The following CYP4F22 variants were observed in gnomAD, a reference collection of about 807,000 sequenced individuals.
CYP4F22 encodes the protein ultra-long-chain fatty acid omega-hydroxylase.
A neutral mutation model predicts 60.4 loss-of-function variants in CYP4F22; 37 were observed. The observed-to-expected ratio is 0.61, with a 90% CI of 0.47 to 0.81. The LOEUF is 0.81. Among genes scored for constraint, CYP4F22 ranks in the 30% least tolerant of loss-of-function variants. The pLI, the probability that CYP4F22 is intolerant of heterozygous loss-of-function variation, is 0.00. For missense variants in CYP4F22, 655 were observed against 715.0 expected (o/e 0.92, Z 0.96); for synonymous variants, 258 against 280.5 (o/e 0.92, Z 0.80).
intron 3 of CYP4F22, among the ~76,000 whole-genome samples, chr19:15,528,400 TCAAC>T (rs899701913): frequency 2.0e-5 from 3 of 152,128 alleles, no homozygotes; most frequent in Admixed American, 6.5e-5. Flanking sequence ...GGAGTGACCC[TCAAC>T]CAATGACTGA....
intron 2 of CYP4F22, among the ~76,000 whole-genome samples, chr19:15,524,261 G>A (rs1156893644): frequency 6.6e-5 from 10 of 152,284 alleles, no homozygotes; most frequent in African/African-American, 2.2e-4. Flanking sequence ...AATCCATAGA[G>A]ACAGAAAGCA....
rs977593507 is a variant in CYP4F22, at chr19:15,510,140, C to A, written c.-109+1557C>A. ...AGGACTACAGGCATGCACCACCACT[C>A]CTGTCTACTTTTTGTATTTTTGGTA... is the stretch of plus-strand genomic sequence containing the variant. On this transcript the variant is annotated intron_variant, in intron 1 of 13. Transcript: ENST00000269703. 6.6e-5 allele frequency among the ~76,000 whole-genome samples: 10 copies of A among 151,892 alleles called. 1 individual carries two copies. The highest frequency in any genetic ancestry group is 2.4e-4 in the African/African-American group (10 of 41,382).
chr19:15,515,457 G>T, intron 1 of CYP4F22: 1 of 862,552 alleles, frequency 1.2e-6, no homozygotes, highest in Non-Finnish European at 1.9e-6. Context: ...AGGCACGGTG[G>T]CTCACGCTTG....
chr19:15,510,945 C>CATATATATATATAT (rs1183507990), intron 1 of CYP4F22, among the ~76,000 whole-genome samples: 2 of 111,628 alleles, frequency 1.8e-5, no homozygotes, highest in African/African-American at 3.6e-5. Context: ...ATAGGGATAC[C>CATATATATATATAT]ATATATATAT....
chr19:15,550,657 A>G lies in CYP4F22; in HGVS notation c.1336-17A>G. The G allele has an allele frequency of 6.2e-7, 1 of 1,613,944 alleles. No homozygotes were observed. The highest frequency in any genetic ancestry group is 8.5e-7 in the Non-Finnish European group (1 of 1,179,858). On this transcript the variant is annotated splice_polypyrimidine_tract_variant and intron_variant, in intron 12 of 13. Transcript: ENST00000269703. ...TGGGGCAGCCCCCAGACTCATCTCC[A>G]GGCTGTTCCTCCCTAGGTGTACAAC...
At chr19:15,527,190 G>T (rs987458594) in intron 3 of CYP4F22, among the ~76,000 whole-genome samples, 4 of 151,878 alleles carry the variant, frequency 2.6e-5, no homozygotes, top group African/African-American at 9.7e-5. Flanking sequence ...TCATCCCTTC[G>T]GTCCGTCTCC....
chr19:15,521,177 G>A (rs1971220689), intron 1 of CYP4F22, among the ~76,000 whole-genome samples: 1 of 151,802 alleles, frequency 6.6e-6, no homozygotes, highest in African/African-American at 2.4e-5. Context: ...TATGTGGATG[G>A]ACCCTATTTT....
chr19:15,548,825 C>T (rs571204404), intron 11 of CYP4F22, among the ~76,000 whole-genome samples: 5 of 152,154 alleles, frequency 3.3e-5, no homozygotes, highest in South Asian at 2.1e-4. Context: ...CAGGTGATGG[C>T]GCTTGAACTC....
chr19:15,525,852 C>A (rs1219128636), intron 3 of CYP4F22, among the ~76,000 whole-genome samples: 1 of 151,842 alleles, frequency 6.6e-6, no homozygotes, highest in African/African-American at 2.4e-5. Flanking sequence ...CATAGTGAGA[C>A]CCCCTCTCTA....
chr19:15,531,270 C>G (rs1288796545), intron 4 of CYP4F22, among the ~76,000 whole-genome samples: 1 of 151,830 alleles, frequency 6.6e-6, no homozygotes, highest in Non-Finnish European at 1.5e-5. Flanking sequence ...GTCCCAGCTA[C>G]TCAGGAGGCT....
intron 1 of CYP4F22, chr19:15,515,486 A>T (rs187081948): frequency 1.1e-5 from 8 of 723,318 alleles, no homozygotes; most frequent in South Asian, 9.4e-5. Context: ...GCACTTTGGG[A>T]GGCCGAGGTG....
rs150837991 is a variant in CYP4F22, at chr19:15,551,662, G to T, written c.*191G>T. The stretch of plus-strand genomic sequence containing the variant: ...CCTCAAGGCAAGGCTCCTCCCCTTA[G>T]GGGGCCTGATCCCGCCCCTTGAGGC... On this transcript the variant is annotated 3_prime_UTR_variant, in exon 14 of 14. Coordinates refer to ENST00000269703, the MANE Select transcript of CYP4F22 (RefSeq NM_173483.4). The T allele has an allele frequency of 5.4e-4, 381 of 700,690 alleles. 1 individual carries two copies. In the African/African-American group the frequency reaches 5.6e-3, roughly 10 times the overall value. The allele number at this position is 700,690 out of a possible 1,614,324, so 43.4% of individuals were successfully genotyped here.
At position 15,537,394 on chromosome 19, in the gene CYP4F22, G is replaced by C; in HGVS notation, c.401G>C (p.Gly134Ala). 1 of 1,614,200 alleles carries C rather than the reference G, an allele frequency of 6.2e-7. No individual in the cohort carries two copies. Among genetic ancestry groups the C allele is most frequent in the Non-Finnish European group, 8.5e-7 (1 of 1,180,026 alleles). Residue 134 changes from glycine (G) to alanine (A), a missense_variant, in exon 5 of 14, where the codon GGC (glycine) becomes GCC (alanine). Around this residue, in one of 3 missense-constraint regions of CYP4F22, gnomAD observed 430 missense variants for 457.1 expected, o/e 0.94. Coordinates refer to ENST00000269703, the MANE Select transcript of CYP4F22 (RefSeq NM_173483.4). Reference protein sequence around the residue: ...AIAPKDDLFYGFLKPWLGDGL... With the variant: ...AIAPKDDLFYAFLKPWLGDGL... ...GCCCCCAAGGATGACCTCTTCTATGGCTTCCTAAAACCTTGGCTAGGTGAG... is the reference window on the plus strand; with the variant it reads ...GCCCCCAAGGATGACCTCTTCTATGCCTTCCTAAAACCTTGGCTAGGTGAG...
At chr19:15,515,471 T>A in intron 1 of CYP4F22, 1 of 799,380 alleles carries the variant, frequency 1.3e-6, no homozygotes, top group South Asian at 1.3e-5. Flanking sequence ...ACGCTTGCAA[T>A]CCCAGCACTT....
At chr19:15,509,904 C>CTTTCTTTCTTTCTTTCTTTCTTTCTTT (rs1555725971) in intron 1 of CYP4F22, among the ~76,000 whole-genome samples, 7 of 86,694 alleles carry the variant, frequency 8.1e-5, no homozygotes, top group Non-Finnish European at 1.3e-4. Flanking sequence ...TTCCTTCCTT[C>CTTTCTTTCTTTCTTTCTTTCTTTCTTT]CTTTCTTTCT....
chr19:15,514,216 A>C (rs1264034674), intron 1 of CYP4F22, among the ~76,000 whole-genome samples: 1 of 152,208 alleles, frequency 6.6e-6, no homozygotes, highest in Non-Finnish European at 1.5e-5. Context: ...GCTGAACCAT[A>C]GGGCACGTAA....
At chr19:15,515,403 G>T in intron 1 of CYP4F22, 1 of 1,223,032 alleles carries the variant, frequency 8.2e-7, no homozygotes, top group Non-Finnish European at 1.2e-6. Flanking sequence ...TACTTTGTTG[G>T]TCCAACTCAG....
At chr19:15,526,201 A>G (rs938541301) in intron 3 of CYP4F22, among the ~76,000 whole-genome samples, 2 of 152,088 alleles carry the variant, frequency 1.3e-5, no homozygotes, top group Non-Finnish European at 1.5e-5. Flanking sequence ...CTATAATTTT[A>G]TAGCTATCAC....
In CYP4F22 at chr19:15,537,669, C is replaced by A; in HGVS notation, c.549+7C>A. ...GAGCGCTGACATTATGCATGTGAGTCCTAAGGCTTTGAGGGAAGAGGGTGT... is the reference window on the plus strand; with the variant it reads ...GAGCGCTGACATTATGCATGTGAGTACTAAGGCTTTGAGGGAAGAGGGTGT... On this transcript the variant is annotated splice_region_variant and intron_variant, in intron 6 of 13. Coordinates refer to ENST00000269703, the MANE Select transcript of CYP4F22 (RefSeq NM_173483.4). 6.2e-7 allele frequency: 1 copy of A among 1,611,698 alleles called. No homozygotes were observed. Among genetic ancestry groups the A allele is most frequent in the Non-Finnish European group, 8.5e-7 (1 of 1,180,034 alleles).
Sources: gnomAD v4.1 joint callset for allele counts (sites outside exome capture counted in the v4.1 genomes callset) on GRCh38, gnomAD v4.1.1 for gene constraint, gnomAD v4.1.1 regional missense constraint, MANE v1.5 for transcripts, NCBI Gene and HGNC (gene_info 2026-07-23, HGNC 2026-07-21) for gene names.